Variants in SIPA1L3 observed in about 807,000 individuals in gnomAD.
SIPA1L3 encodes the protein signal induced proliferation associated 1 like 3.
A neutral mutation model predicts 150.1 loss-of-function variants in SIPA1L3; 59 were observed. The observed-to-expected ratio is 0.39, with a 90% CI of 0.32 to 0.49. The LOEUF (loss-of-function observed/expected upper bound fraction) is 0.49. Among genes scored for constraint, SIPA1L3 ranks in the 20% least tolerant of loss-of-function variants. The pLI is 0.86. For missense variants in SIPA1L3, 2,211 were observed against 2,489.5 expected, an observed-to-expected ratio of 0.89 and a Z score of 2.38; for synonymous variants, 1,070 against 1,077.6, an observed-to-expected ratio of 0.99 and a Z score of 0.14.
chr19:38,087,397 C>T (rs1970158703), intron 3 of SIPA1L3, among the ~76,000 whole-genome samples: 2 of 152,220 alleles, frequency 1.3e-5, no homozygotes, highest in South Asian at 2.1e-4. Flanking sequence ...CATTAATTAC[C>T]ACACAGTATT....
intron 19 of SIPA1L3, among the ~76,000 whole-genome samples, chr19:38,199,179 G>A (rs1348901949): frequency 6.6e-6 from 1 of 152,200 alleles, no homozygotes; most frequent in Non-Finnish European, 1.5e-5. Flanking sequence ...GGCCCTTTAT[G>A]TGCTGGAAGT....
intron 15 of SIPA1L3, among the ~76,000 whole-genome samples, chr19:38,178,086 G>GGTGTGTGTGTGTGTGT (rs765404105): frequency 2.3e-5 from 3 of 130,950 alleles, no homozygotes; most frequent in East Asian, 2.3e-4. Context: ...GCAGGCTTTT[G>GGTGTGTGTGTGTGTGT]GTGTGTGTGT....
chr19:38,012,290 T>A (rs1432522511), intron 1 of SIPA1L3, among the ~76,000 whole-genome samples: 1 of 152,022 alleles, frequency 6.6e-6, no homozygotes, highest in African/African-American at 2.4e-5. Flanking sequence ...CTCACTATGT[T>A]GCCCAGGCTG....
intron 1 of SIPA1L3, among the ~76,000 whole-genome samples, chr19:38,017,547 CAG>C (rs1968267323): frequency 6.9e-6 from 1 of 145,738 alleles, no homozygotes; most frequent in Non-Finnish European, 1.5e-5. Flanking sequence ...TCTTTTGAGA[CAG>C]AGTCTTGCTC....
chr19:38,024,162 A>C (rs1450045627), intron 1 of SIPA1L3, among the ~76,000 whole-genome samples: 1 of 152,220 alleles, frequency 6.6e-6, no homozygotes, highest in Non-Finnish European at 1.5e-5. Flanking sequence ...CAGGTGCTCC[A>C]GCCAGCCTTG....
chr19:38,177,641 C>T (rs556923937), intron 15 of SIPA1L3, among the ~76,000 whole-genome samples: 2 of 152,288 alleles, frequency 1.3e-5, no homozygotes, highest in African/African-American at 4.8e-5. Flanking sequence ...TTATACCATG[C>T]ATCGTTTCCA....
Position 38,164,024 on chromosome 19 carries a change from C to T in SIPA1L3, c.3781-455C>T, listed in dbSNP as rs1388090779. 6.6e-6 allele frequency among the ~76,000 whole-genome samples: 1 copy of T among 152,208 alleles called. No homozygotes were observed. The highest frequency in any genetic ancestry group is 2.4e-5 in the African/African-American group (1 of 41,456). ...CGCGGAGCCGTGGAGCAGGAAGTGA[C>T]AGGTCCCGGATCTGTGTTGAGGACG... On this transcript the variant is annotated intron_variant, in intron 14 of 21. Transcript: ENST00000222345. The surrounding 1 kb of genome is among the most constrained non-coding windows in gnomAD (Gnocchi z 4.1).
At chr19:38,015,740 AAAAAG>A (rs1253390043) in intron 1 of SIPA1L3, among the ~76,000 whole-genome samples, 1 of 151,214 alleles carries the variant, frequency 6.6e-6, no homozygotes, top group African/African-American at 2.4e-5. Flanking sequence ...AAAAAAAAAA[AAAAAG>A]AATGTGAGAG....
intron 16 of SIPA1L3, among the ~76,000 whole-genome samples, chr19:38,187,520 A>G (rs994566081): frequency 6.6e-6 from 1 of 151,742 alleles, no homozygotes; most frequent in Non-Finnish European, 1.5e-5. Flanking sequence ...GATCGAGTCC[A>G]TCCTGGCTAA....
intron 1 of SIPA1L3, among the ~76,000 whole-genome samples, chr19:37,996,397 T>C (rs1967639651): frequency 6.6e-6 from 1 of 152,146 alleles, no homozygotes; most frequent in South Asian, 2.1e-4. Flanking sequence ...TTGTTTTTAA[T>C]TGATAAGTAA....
At chr19:38,014,360 C>A (rs1185791677) in intron 1 of SIPA1L3, among the ~76,000 whole-genome samples, 1 of 152,042 alleles carries the variant, frequency 6.6e-6, no homozygotes. Context: ...GCAGCACCAC[C>A]AAATCTGCCA....
intron 1 of SIPA1L3, among the ~76,000 whole-genome samples, chr19:37,918,055 G>C (rs978932253): frequency 1.3e-5 from 2 of 151,828 alleles, no homozygotes; most frequent in African/African-American, 4.8e-5. Flanking sequence ...GGTTTACATT[G>C]GTGTCGGTGT....
chr19:38,155,768 A>G lies in SIPA1L3; in HGVS notation c.3661+2801A>G, dbSNP rs138580227. 8.1e-4 allele frequency among the ~76,000 whole-genome samples: 123 copies of G among 152,224 alleles called. 3 individuals are homozygous for G. In the East Asian group the frequency reaches 0.018, roughly 22 times the overall value. On this transcript the variant is annotated intron_variant, in intron 13 of 21. Transcript: ENST00000222345. ...ATGCCCCAAGATTCGTGGCCTGGAGAATTCCTCAATATCTCAGCCCATGGT... is the reference window on the plus strand; with the variant it reads ...ATGCCCCAAGATTCGTGGCCTGGAGGATTCCTCAATATCTCAGCCCATGGT...
rs778355455 is a variant in SIPA1L3, at chr19:38,081,632, G to A, written c.67G>A (p.Gly23Ser). The change falls in exon 3 of 22, where the codon GGC becomes AGC. Residue 23 changes from glycine (G) to serine (S), a missense_variant. By Grantham distance (56) the Gly-to-Ser change is moderately conservative. Coordinates refer to ENST00000222345, the MANE Select transcript of SIPA1L3 (RefSeq NM_015073.3). Reference sequence around the variant, plus strand: ...GGCAGCCAGCTGTGGCGCCAGGGTGGGCGATGTCCTCCCTGGGCCACACAC... The same window carrying A: ...GGCAGCCAGCTGTGGCGCCAGGGTGAGCGATGTCCTCCCTGGGCCACACAC... The part of the protein sequence containing the change: ...DLAASCGARV[G>S]DVLPGPHTGD... The A allele has an allele frequency of 1.2e-6, 2 of 1,606,432 alleles. No individual in the cohort carries two copies. Among genetic ancestry groups the A allele is most frequent in the East Asian group, 2.2e-5 (1 of 44,674 alleles).
chr19:38,156,135 T>C (rs1971944979), intron 13 of SIPA1L3, among the ~76,000 whole-genome samples: 2 of 152,110 alleles, frequency 1.3e-5, no homozygotes, highest in Admixed American at 6.6e-5. Flanking sequence ...CAGGTCGAAC[T>C]GCTGGGGCCT....
chr19:38,173,171 C>T (rs557341256), intron 15 of SIPA1L3, among the ~76,000 whole-genome samples: 64 of 152,356 alleles, frequency 4.2e-4, no homozygotes, highest in Non-Finnish European at 7.6e-4. Context: ...CTGGAGAGGA[C>T]GGACTATCTT....
At chr19:38,000,894 T>TTATA (rs552331515) in intron 1 of SIPA1L3, among the ~76,000 whole-genome samples, 17 of 114,956 alleles carry the variant, frequency 1.5e-4, no homozygotes, top group Admixed American at 7.1e-4. Flanking sequence ...TATATATATG[T>TTATA]TATATATATA....
intron 2 of SIPA1L3, among the ~76,000 whole-genome samples, chr19:38,064,460 G>A (rs1969524236): frequency 1.3e-5 from 2 of 152,248 alleles, no homozygotes; most frequent in African/African-American, 4.8e-5. Flanking sequence ...ACTTTGGGAG[G>A]CCGAGGCGGG....
At chr19:37,911,791 G>T (rs775018385) in intron 1 of SIPA1L3, among the ~76,000 whole-genome samples, 1 of 152,016 alleles carries the variant, frequency 6.6e-6, no homozygotes, top group African/African-American at 2.4e-5. Flanking sequence ...GAGCCACCGC[G>T]CCTGGCCCCT....
Sources: gnomAD v4.1 joint callset for allele counts (sites outside exome capture counted in the v4.1 genomes callset) on GRCh38, gnomAD v4.1.1 for gene constraint, Gnocchi (gnomAD v3.1) non-coding constraint, MANE v1.5 for transcripts, NCBI Gene and HGNC (gene_info 2026-07-23, HGNC 2026-07-21) for gene names.